MAP1B: variants seen among roughly 807,000 people sequenced by gnomAD.
MAP1B encodes microtubule associated protein 1B.
Under a neutral mutation model 176.1 loss-of-function variants are expected in MAP1B, and 12 were observed. The ratio of observed to expected loss-of-function variants is 0.07; its 90% confidence interval spans 0.04 to 0.11. The LOEUF is 0.11. MAP1B is among the 10% of genes least tolerant of loss of function. MAP1B has a pLI of 1.00. For missense variants in MAP1B, 2,523 were observed against 2,990.5 expected (o/e 0.84, Z 3.65); for synonymous variants, 1,044 against 1,135.0 (o/e 0.92, Z 1.61).
At chr5:72,158,881 T>C (rs147733318) in intron 2 of MAP1B, among the ~76,000 whole-genome samples, 20 of 152,330 alleles carry the variant, frequency 1.3e-4, no homozygotes, top group East Asian at 5.8e-4. Context: ...GGTTCACTTA[T>C]GCAGAAAGTT....
chr5:72,128,522 A>C (rs961618905), intron 2 of MAP1B, among the ~76,000 whole-genome samples: 2 of 152,182 alleles, frequency 1.3e-5, no homozygotes, highest in African/African-American at 4.8e-5. Context: ...GCAAGTATGC[A>C]CTAGCTCACT....
intron 2 of MAP1B, among the ~76,000 whole-genome samples, chr5:72,150,295 C>G (rs1476462544): frequency 3.9e-5 from 6 of 152,170 alleles, no homozygotes; most frequent in Non-Finnish European, 8.8e-5. Context: ...ACCTAATTTG[C>G]ATTCTTGTCT....
At chr5:72,152,764 TC>T (rs1746165459) in intron 2 of MAP1B, among the ~76,000 whole-genome samples, 1 of 152,194 alleles carries the variant, frequency 6.6e-6, no homozygotes, top group African/African-American at 2.4e-5. Context: ...TTCTTATAAA[TC>T]AACCAAGTTT....
chr5:72,113,225 A>G (rs1250599977), intron 1 of MAP1B, among the ~76,000 whole-genome samples: 1 of 152,208 alleles, frequency 6.6e-6, no homozygotes, highest in East Asian at 1.9e-4. Context: ...TTTCCTTTCC[A>G]ACTAAAATAG....
rs1445784228 is a variant in MAP1B at position 72,203,760 on chromosome 5, G to A, written c.7210G>A (p.Ala2404Thr). ...GGAGCCCAGCCGGGCTGTCCTGGAC[G>A]CTTTGTTGGAAGGAAAGGCTCAGTG... Reference protein sequence around the residue: ...AEEPSRAVLDALLEGKAQWGS... With the variant: ...AEEPSRAVLDTLLEGKAQWGS... The change falls in exon 6 of 7, where the codon GCT becomes ACT. Residue 2404 changes from alanine to threonine, a missense_variant. Around this residue, in one of 4 missense-constraint regions of MAP1B, gnomAD observed 287 missense variants for 401.5 expected, o/e 0.71. Transcript: ENST00000296755. The A allele has an allele frequency of 2.5e-6, 4 of 1,613,130 alleles. No individual in the cohort carries two copies. The highest frequency in any genetic ancestry group is 2.2e-5 in the East Asian group (1 of 44,870).
Position 72,198,263 on chromosome 5 carries a change from A to G in MAP1B, c.4908A>G (p.Gln1636=), listed in dbSNP as rs1412710224. 1 of 1,614,076 alleles carries G rather than the reference A, an allele frequency of 6.2e-7. No individual in the cohort carries two copies. Among genetic ancestry groups the G allele is most frequent in the African/African-American group, 1.3e-5 (1 of 74,946 alleles). The part of the protein sequence containing the change: ...PKTAKSRTPV[Q]DHRSEQSSMS... ...CTGCAAAGTCCAGGACACCCGTTCAAGATCACAGATCTGAACAGTCCTCAA... is the reference window on the plus strand; with the variant it reads ...CTGCAAAGTCCAGGACACCCGTTCAGGATCACAGATCTGAACAGTCCTCAA... The change falls in exon 5 of 7, where the codon CAA becomes CAG. Residue 1636 remains glutamine, a synonymous_variant. Coordinates refer to ENST00000296755, the MANE Select transcript of MAP1B (RefSeq NM_005909.5).
chr5:72,157,925 A>C (rs1384510815), intron 2 of MAP1B, among the ~76,000 whole-genome samples: 3 of 151,322 alleles, frequency 2.0e-5, no homozygotes, highest in African/African-American at 7.3e-5. Context: ...CTGCAACCTC[A>C]GCCTCCCGGG....
chr5:72,128,345 C>A (rs1745665284), intron 2 of MAP1B, among the ~76,000 whole-genome samples: 1 of 149,282 alleles, frequency 6.7e-6, no homozygotes, highest in Admixed American at 6.7e-5. Flanking sequence ...CAATATAGAA[C>A]AAGGAATATC....
In MAP1B at chr5:72,185,332, G is replaced by T. The variant is rs1746871241; in HGVS notation, c.370-1282G>T. Among the ~76,000 whole-genome samples, 3 of 152,330 alleles carry T rather than the reference G, an allele frequency of 2.0e-5. No homozygotes were observed. In the South Asian group the frequency reaches 6.2e-4, roughly 32 times the overall value. On this transcript the variant is annotated intron_variant, in intron 3 of 6. Transcript: ENST00000296755. ...GGTGTGAAGCTGAGGAAAGTGATGG[G>T]ATAGCAATCTCTGTTACTAACAGAA... is the stretch of plus-strand genomic sequence containing the variant.
At chr5:72,191,856 C>T in intron 4 of MAP1B, among the ~76,000 whole-genome samples, 1 of 152,128 alleles carries the variant, frequency 6.6e-6, no homozygotes, top group East Asian at 1.9e-4. Flanking sequence ...GGGTCATTTC[C>T]TGCATTTCAT....
At chr5:72,161,340 A>C (rs1031071880) in intron 2 of MAP1B, among the ~76,000 whole-genome samples, 1 of 152,240 alleles carries the variant, frequency 6.6e-6, no homozygotes, top group Admixed American at 6.5e-5. Context: ...TGTCATAATA[A>C]TACTCAAACA....
At chr5:72,170,817 G>A (rs1746521438) in intron 2 of MAP1B, among the ~76,000 whole-genome samples, 1 of 152,076 alleles carries the variant, frequency 6.6e-6, no homozygotes, top group African/African-American at 2.4e-5. Context: ...TGTGGTAGCA[G>A]GTCACTGTAA....
chr5:72,146,827 G>A (rs1275768776), intron 2 of MAP1B, among the ~76,000 whole-genome samples: 2 of 152,188 alleles, frequency 1.3e-5, no homozygotes, highest in Non-Finnish European at 2.9e-5. Flanking sequence ...CAGGAAGTAT[G>A]TGCTTTTGAC....
At chr5:72,175,322 G>C (rs1238858862) in intron 2 of MAP1B, among the ~76,000 whole-genome samples, 1 of 151,970 alleles carries the variant, frequency 6.6e-6, no homozygotes, top group East Asian at 1.9e-4. Context: ...CACCTGACAG[G>C]TTACCCCATC....
At position 72,204,805 on chromosome 5, in the gene MAP1B, G is replaced by T. The variant is rs1360820752; in HGVS notation, c.7252-279G>T. 1.3e-5 allele frequency among the ~76,000 whole-genome samples: 2 copies of T among 152,170 alleles called. No homozygotes were observed. Among genetic ancestry groups the T allele is most frequent in the Admixed American group, 1.3e-4 (2 of 15,284 alleles). On this transcript the variant is annotated intron_variant, in intron 6 of 6. Transcript: ENST00000296755. The surrounding 1 kb of genome is among the most constrained non-coding windows in gnomAD (Gnocchi z 4.4). ...GAAATACAAAAAATTGTACCCTAAC[G>T]GAAGCACTTCTCTTAACAGTAAAGA...
intron 2 of MAP1B, among the ~76,000 whole-genome samples, chr5:72,119,601 G>A (rs1264124086): frequency 6.6e-6 from 1 of 152,130 alleles, no homozygotes; most frequent in African/African-American, 2.4e-5. Flanking sequence ...TCAACCTCCT[G>A]GGCTCAAATG....
chr5:72,179,801 C>T, intron 2 of MAP1B: 2 of 985,498 alleles, frequency 2.0e-6, no homozygotes, highest in South Asian at 4.7e-5. Context: ...CATCTTGGTG[C>T]ACGTCTGTGC....
chr5:72,154,172 A>G lies in MAP1B; in HGVS notation c.287-29571A>G, dbSNP rs143990118. Reference sequence around the variant, plus strand: ...ATTCCTAGCTCATTCTCGTGTGTCTATCACAGTGAAGTTGCTGTAGACACC... The same window carrying G: ...ATTCCTAGCTCATTCTCGTGTGTCTGTCACAGTGAAGTTGCTGTAGACACC... On this transcript the variant is annotated intron_variant, in intron 2 of 6. Transcript: ENST00000296755. Among the ~76,000 whole-genome samples, 203 of 152,184 alleles carry G rather than the reference A, an allele frequency of 1.3e-3. 1 individual carries two copies. Among genetic ancestry groups the G allele is most frequent in the African/African-American group, 4.8e-3 (199 of 41,518 alleles).
intron 2 of MAP1B, among the ~76,000 whole-genome samples, chr5:72,154,948 G>A (rs57871064): frequency 0.11 from 16,484 of 152,124 alleles, 930 homozygotes; most frequent in Non-Finnish European, 0.11. Flanking sequence ...AATGTCATTA[G>A]GGTGCCCCAG....
Sources: allele counts gnomAD v4.1 joint callset (sites outside exome capture counted in the v4.1 genomes callset), GRCh38; gene constraint gnomAD v4.1.1; regional missense constraint gnomAD v4.1.1; non-coding constraint Gnocchi (gnomAD v3.1); transcripts MANE v1.5; gene names NCBI Gene and HGNC (gene_info 2026-07-23, HGNC 2026-07-21).